Variants in TSHZ3 observed in about 807,000 individuals in gnomAD.
TSHZ3 encodes the protein teashirt zinc finger homeobox 3, also known as teashirt homolog 3.
Under a neutral mutation model 64.5 loss-of-function variants are expected in TSHZ3, and 10 were observed. That is an observed-to-expected ratio of 0.16 (90% CI 0.10 to 0.26). TSHZ3 has a LOEUF of 0.26. Ranked by LOEUF, TSHZ3 falls within the 10% of genes least tolerant of loss-of-function variation. TSHZ3 has a pLI of 1.00. For missense variants in TSHZ3, 1,242 were observed against 1,421.7 expected, an observed-to-expected ratio of 0.87 and a Z score of 2.03; for synonymous variants, 608 against 593.1, an observed-to-expected ratio of 1.03 and a Z score of -0.36.
intron 1 of TSHZ3, among the ~76,000 whole-genome samples, chr19:31,295,815 C>A (rs1223004649): frequency 6.6e-6 from 1 of 151,150 alleles, no homozygotes; most frequent in East Asian, 1.9e-4. Flanking sequence ...GGTACAGGTA[C>A]AGGTTTATTA....
downstream of TSHZ3, among the ~76,000 whole-genome samples, chr19:31,270,142 C>A (rs917946970): frequency 6.6e-6 from 1 of 152,216 alleles, no homozygotes; most frequent in South Asian, 2.1e-4. Context: ...TAATTTTATG[C>A]TCAAGGTTAA....
chr19:31,210,740 G>A (rs190032852), intron 4 of TSHZ3, among the ~76,000 whole-genome samples: 45 of 152,292 alleles, frequency 3.0e-4, no homozygotes, highest in Non-Finnish European at 5.7e-4. Context: ...ACAGGTTACA[G>A]ATACATAATT....
chr19:31,180,813 C>T (rs1444528881), intron 5 of TSHZ3, among the ~76,000 whole-genome samples: 3 of 152,138 alleles, frequency 2.0e-5, no homozygotes, highest in Non-Finnish European at 4.4e-5. Context: ...CACTGGGGCC[C>T]GGCCCTTTAT....
At chr19:31,160,703 TATACACACGTATATACAC>T (rs1229794160) in intron 5 of TSHZ3, among the ~76,000 whole-genome samples, 1 of 151,094 alleles carries the variant, frequency 6.6e-6, no homozygotes, top group Non-Finnish European at 1.5e-5. Context: ...CATACACACA[TATACACACGTATATACAC>T]ATACACACAC....
At chr19:31,154,794 T>G (rs1408936703) in intron 6 of TSHZ3, among the ~76,000 whole-genome samples, 1 of 152,196 alleles carries the variant, frequency 6.6e-6, no homozygotes, top group Non-Finnish European at 1.5e-5. Flanking sequence ...ATTTGAGACC[T>G]GAAGTCTGGT....
chr19:31,335,633 C>G (rs1917220390), intron 1 of TSHZ3, among the ~76,000 whole-genome samples: 1 of 152,204 alleles, frequency 6.6e-6, no homozygotes, highest in African/African-American at 2.4e-5. Context: ...GGCTCAAGAA[C>G]CCAAATCGTC....
intron 1 of TSHZ3, among the ~76,000 whole-genome samples, chr19:31,346,993 C>T (rs1441781684): frequency 6.6e-6 from 1 of 152,178 alleles, no homozygotes; most frequent in Admixed American, 6.5e-5. Flanking sequence ...ATGCTGCCAG[C>T]TTCTGATTGA....
intron 5 of TSHZ3, among the ~76,000 whole-genome samples, chr19:31,186,766 C>T (rs1433650784): frequency 6.6e-6 from 1 of 152,174 alleles, no homozygotes; most frequent in African/African-American, 2.4e-5. Context: ...TTCAGTGATT[C>T]TGTATAGCTT....
rs79591610 is a variant in TSHZ3 at position 31,241,470 on chromosome 19, C to T, written n.550+799G>A. Among the ~76,000 whole-genome samples, 558 of 152,332 alleles carry T rather than the reference C, an allele frequency of 3.7e-3. 3 individuals are homozygous for T. Among genetic ancestry groups the T allele is most frequent in the African/African-American group, 0.013 (523 of 41,576 alleles). On this transcript the variant is annotated intron_variant and non_coding_transcript_variant, in intron 3 of 6. Transcript: ENST00000651361. ...CCCCACCACACTGCCTGTCCTCCGT[C>T]ACTGTCAAAGCTTTAGTCTCTCTGC...
intron 4 of TSHZ3, among the ~76,000 whole-genome samples, chr19:31,207,910 A>C (rs770116204): frequency 6.6e-6 from 1 of 152,222 alleles, no homozygotes; most frequent in Non-Finnish European, 1.5e-5. Flanking sequence ...ATATGGGACA[A>C]GCTATCTTGA....
intron 5 of TSHZ3, among the ~76,000 whole-genome samples, chr19:31,162,624 G>A (rs903512896): frequency 1.3e-5 from 2 of 152,062 alleles, no homozygotes; most frequent in African/African-American, 4.8e-5. Flanking sequence ...ATCAGGCAAA[G>A]CCTCAGAATC....
At chr19:31,285,100 A>G (rs1036388874) in intron 1 of TSHZ3, among the ~76,000 whole-genome samples, 1 of 152,144 alleles carries the variant, frequency 6.6e-6, no homozygotes, top group African/African-American at 2.4e-5. Flanking sequence ...CCCACCACCA[A>G]GGAAGATGGG....
rs943994422 is a variant in TSHZ3 at position 31,200,272 on chromosome 19, A to G, written n.809+4684T>C. Among the ~76,000 whole-genome samples the G allele has an allele frequency of 2.6e-5, 4 of 152,130 alleles. No homozygotes were observed. The East Asian group carries it at 7.7e-4, about 29-fold the overall frequency. On this transcript the variant is annotated intron_variant and non_coding_transcript_variant, in intron 5 of 6. Coordinates refer to the TSHZ3 transcript ENST00000651361. ...TCTGAAAAAAAAAACCTGCACATGG[A>G]TATGTATAGCAGCTTTATTAATAAT...
At chr19:31,180,250 CGAAT>C (rs933403321) in intron 5 of TSHZ3, among the ~76,000 whole-genome samples, 5 of 151,940 alleles carry the variant, frequency 3.3e-5, no homozygotes, top group Admixed American at 6.6e-5. Context: ...AATGAATGAA[CGAAT>C]GAATGAATGA....
At chr19:31,334,615 A>T (rs1917189236) in intron 1 of TSHZ3, among the ~76,000 whole-genome samples, 1 of 152,108 alleles carries the variant, frequency 6.6e-6, no homozygotes, top group Non-Finnish European at 1.5e-5. Flanking sequence ...AGTTAGGAAA[A>T]ACCAAAATGA....
chr19:31,253,516 A>G (rs994586698), intron 1 of TSHZ3, among the ~76,000 whole-genome samples: 16 of 152,294 alleles, frequency 1.1e-4, no homozygotes, highest in African/African-American at 3.6e-4. Flanking sequence ...ATATGTGCAG[A>G]ATAATTATTA....
intron 1 of TSHZ3, among the ~76,000 whole-genome samples, chr19:31,266,799 A>G (rs557956773): frequency 1.0e-3 from 155 of 152,326 alleles, no homozygotes; most frequent in African/African-American, 3.7e-3. Flanking sequence ...GGATGTGACA[A>G]GTGACACCAT....
chr19:31,211,173 CAGAG>C (rs1338767073), intron 4 of TSHZ3, among the ~76,000 whole-genome samples: 4 of 152,198 alleles, frequency 2.6e-5, no homozygotes, highest in Non-Finnish European at 4.4e-5. Context: ...GAGTCCATGA[CAGAG>C]AGACTCAGTG....
chr19:31,225,681 C>T (rs571089523), intron 4 of TSHZ3, among the ~76,000 whole-genome samples: 2 of 152,302 alleles, frequency 1.3e-5, no homozygotes, highest in Admixed American at 1.3e-4. Context: ...GGGCCTTTTC[C>T]CTCCTGCCTT....
Sources: gnomAD v4.1 joint callset for allele counts (sites outside exome capture counted in the v4.1 genomes callset) on GRCh38, gnomAD v4.1.1 for gene constraint, MANE v1.5 for transcripts, NCBI Gene and HGNC (gene_info 2026-07-23, HGNC 2026-07-21) for gene names.